Variants in AKR1C3 observed in about 807,000 individuals in gnomAD.
AKR1C3 encodes 3-alpha hydroxysteroid dehydrogenase, type II.
A neutral mutation model predicts 43.6 loss-of-function variants in AKR1C3; 48 were observed. The ratio of observed to expected loss-of-function variants is 1.10; its 90% CI spans 0.87 to 1.40. AKR1C3 has a LOEUF of 1.40. AKR1C3 is among the 40% of genes most tolerant of loss of function. The pLI is 0.00. For missense variants in AKR1C3, 482 were observed against 391.2 expected, an observed-to-expected ratio of 1.23 and a Z score of -1.96; for synonymous variants, 162 against 139.6, an observed-to-expected ratio of 1.16 and a Z score of -1.13.
chr10:5,099,591 G>A (rs142937618), intron 5 of AKR1C3, 142 bp downstream of exon 5: 94 of 1,434,258 alleles, frequency 6.6e-5, no homozygotes, highest in Non-Finnish European at 4.9e-5. Context: ...CAAGAAAGGC[G>A]TGAAGATTTC....
At chr10:5,086,253 C>A (rs1287165130) in intron 1 of AKR1C3, among the ~76,000 whole-genome samples, 1 of 151,534 alleles carries the variant, frequency 6.6e-6, no homozygotes, top group Admixed American at 6.6e-5. Context: ...TTGAATGTGT[C>A]CCAGAGATTC....
chr10:5,096,198 T>C (rs910563415), intron 1 of AKR1C3: 1 of 523,214 alleles, frequency 1.9e-6, no homozygotes, highest in Non-Finnish European at 3.3e-6. Flanking sequence ...TCCATAACAG[T>C]GATCAACCAG....
At chr10:5,077,093 T>C (rs782238836) in intron 1 of AKR1C3, among the ~76,000 whole-genome samples, 18 of 152,056 alleles carry the variant, frequency 1.2e-4, no homozygotes, top group Non-Finnish European at 1.6e-4. Flanking sequence ...AGGATAATCT[T>C]TTTTTTTCAC....
intron 7 of AKR1C3, chr10:5,105,306 TGACC>T: frequency 1.3e-5 from 1 of 79,752 alleles, no homozygotes; most frequent in Non-Finnish European, 2.0e-5. Flanking sequence ...GGGCACAATG[TGACC>T]CTATCATGTG....
At chr10:5,097,348 A>G in intron 2 of AKR1C3, 86 bp from the exon 3 acceptor site, 1 of 1,507,220 alleles carries the variant, frequency 6.6e-7, no homozygotes, top group Non-Finnish European at 9.0e-7. Flanking sequence ...AAGCAGTAGG[A>G]AAATATCTAA....
chr10:5,090,987 T>C (rs1218317828), upstream of AKR1C3, among the ~76,000 whole-genome samples: 3 of 152,148 alleles, frequency 2.0e-5, no homozygotes, highest in Admixed American at 6.6e-5. Context: ...AATGTTTTGA[T>C]AGCATGATGG....
At position 5,102,202 on chromosome 10, in the gene AKR1C3, C is replaced by G; in HGVS notation, c.672C>G (p.Asp224Glu). 1 of 1,612,524 alleles carries G rather than the reference C, an allele frequency of 6.2e-7. No homozygotes were observed. The highest frequency in any genetic ancestry group is 8.5e-7 in the Non-Finnish European group (1 of 1,178,894). The change falls in exon 6 of 9, where the codon GAC (aspartate) becomes GAG (glutamate). Residue 224 changes from aspartate to glutamate, a missense_variant. By Grantham distance (45) the Asp-to-Glu change is conservative. Transcript: ENST00000380554. ...VAYSALGSQR[D>E]KRWVDPNSPV... Reference sequence around the variant, plus strand: ...ATAGTGCTCTGGGATCTCAACGAGACAAACGATGGTAATAAAAACAATGGG... The same window carrying G: ...ATAGTGCTCTGGGATCTCAACGAGAGAAACGATGGTAATAAAAACAATGGG...
chr10:5,076,286 C>T (rs782282519), intron 1 of AKR1C3, among the ~76,000 whole-genome samples: 1 of 151,996 alleles, frequency 6.6e-6, no homozygotes, highest in Non-Finnish European at 1.5e-5. Context: ...GATGTGGGAC[C>T]TTTAAGTGAT....
rs1347778026 is a variant in AKR1C3, at chr10:5,096,440, A to G, written c.115A>G (p.Lys39Glu). 1 of 1,613,644 alleles carries G rather than the reference A, an allele frequency of 6.2e-7. No individual in the cohort carries two copies. The highest frequency in any genetic ancestry group is 8.5e-7 in the Non-Finnish European group (1 of 1,179,638). Residue 39 changes from lysine to glutamate, a missense_variant, in exon 2 of 9, where the codon AAA (lysine) becomes GAA (glutamate). Transcript: ENST00000380554. ...GAGAAGTAAAGCTTTGGAGGTCACA[A>G]AATTAGCAATAGAAGCTGGGTTCCG... ...VPRSKALEVT[K>E]LAIEAGFRHI... is the part of the protein sequence containing the mutation.
intron 1 of AKR1C3, among the ~76,000 whole-genome samples, chr10:5,058,350 G>A (rs1431140973): frequency 6.6e-6 from 1 of 152,062 alleles, no homozygotes; most frequent in African/African-American, 2.4e-5. Context: ...ATTGTAATTT[G>A]TACTTCCCTC....
intron 7 of AKR1C3, among the ~76,000 whole-genome samples, chr10:5,104,336 G>C (rs985926904): frequency 6.6e-6 from 1 of 151,920 alleles, no homozygotes. Context: ...ATATCAAAAG[G>C]TGCCACCAAC....
intron 1 of AKR1C3, among the ~76,000 whole-genome samples, chr10:5,089,253 G>T (rs61304951): frequency 0.031 from 4,774 of 152,084 alleles, 258 homozygotes; most frequent in African/African-American, 0.11. Context: ...TATCTTTCAG[G>T]TATTCTCTGA....
intron 5 of AKR1C3, 109 bp downstream of exon 5, chr10:5,099,558 T>C: frequency 6.5e-7 from 1 of 1,548,210 alleles, no homozygotes; most frequent in Non-Finnish European, 8.8e-7. Context: ...AGTAGAAGAT[T>C]ATCTAGAGAG....
In AKR1C3 at chr10:5,102,501, C is replaced by T. The variant is rs1387321078; in HGVS notation, c.697C>T (p.Pro233Ser). Residue 233 changes from proline to serine, a missense_variant, in exon 7 of 9, where the codon CCG becomes TCG. By Grantham distance (74) the Pro-to-Ser change is moderately conservative (BLOSUM62 -1). Transcript: ENST00000380554. ...TCCTTCCAGGGTGGACCCGAACTCC[C>T]CGGTGCTCTTGGAGGACCCAGTCCT... ...RDKRWVDPNSPVLLEDPVLCA... is the reference protein window; with the variant it reads ...RDKRWVDPNSSVLLEDPVLCA... 1 of 1,560,102 alleles carries T rather than the reference C, an allele frequency of 6.4e-7. No homozygotes were observed. The highest frequency in any genetic ancestry group is 8.7e-7 in the Non-Finnish European group (1 of 1,155,978).
At chr10:5,104,919 T>C (rs1839460844) in intron 7 of AKR1C3, among the ~76,000 whole-genome samples, 1 of 152,174 alleles carries the variant, frequency 6.6e-6, no homozygotes, top group Admixed American at 6.6e-5. Flanking sequence ...CCTAGACTAA[T>C]TGTTAACTTG....
intron 1 of AKR1C3, chr10:5,077,778 A>G (rs1364982468): frequency 4.3e-6 from 4 of 930,170 alleles, no homozygotes; most frequent in East Asian, 3.4e-5. Context: ...TTAGTTTTAC[A>G]TTAACATGTT....
chr10:5,105,907 C>G (rs1839489303), intron 8 of AKR1C3, among the ~76,000 whole-genome samples: 1 of 152,176 alleles, frequency 6.6e-6, no homozygotes, highest in Non-Finnish European at 1.5e-5. Context: ...ATGGAACTTT[C>G]CAGAGCAGCC....
At chr10:5,068,272 T>C (rs1472447288) in intron 1 of AKR1C3, among the ~76,000 whole-genome samples, 2 of 152,256 alleles carry the variant, frequency 1.3e-5, no homozygotes, top group Admixed American at 1.3e-4. Context: ...AAATATAACC[T>C]AAAGAAGATT....
At chr10:5,095,919 C>G (rs1554785042) in intron 1 of AKR1C3, among the ~76,000 whole-genome samples, 7 of 152,058 alleles carry the variant, frequency 4.6e-5, no homozygotes. Context: ...GTCGATGTAA[C>G]TAGCATCCAG....
Sources: allele counts gnomAD v4.1 joint callset (sites outside exome capture counted in the v4.1 genomes callset), GRCh38; gene constraint gnomAD v4.1.1; transcripts MANE v1.5; gene names NCBI Gene and HGNC (gene_info 2026-07-23, HGNC 2026-07-21).